Variants in TTLL7 observed in about 807,000 individuals in gnomAD.
TTLL7 encodes the protein tubulin polyglutamylase TTLL7.
Under a neutral mutation model 120.2 loss-of-function variants are expected in TTLL7, and 53 were observed. The observed-to-expected ratio is 0.44, with a 90% confidence interval of 0.35 to 0.55. TTLL7 has a LOEUF of 0.55. Ranked by LOEUF, TTLL7 falls within the 20% of genes least tolerant of loss-of-function variation. The pLI, the probability that TTLL7 is intolerant of heterozygous loss-of-function variation, is 0.00. For synonymous variants in TTLL7, 353 were observed against 351.7 expected, an observed-to-expected ratio of 1.00 and a Z score of -0.04; for missense variants, 803 against 1,054.7, an observed-to-expected ratio of 0.76 and a Z score of 3.31.
intron 14 of TTLL7, among the ~76,000 whole-genome samples, chr1:83,917,083 A>C (rs1658255291): frequency 6.7e-6 from 1 of 148,284 alleles, no homozygotes; most frequent in Non-Finnish European, 1.5e-5. Context: ...CCTGGATGAG[A>C]GTGAGACCCT....
At chr1:83,878,097 C>A (rs1044607695) in intron 20 of TTLL7, among the ~76,000 whole-genome samples, 2 of 151,454 alleles carry the variant, frequency 1.3e-5, no homozygotes, top group African/African-American at 2.4e-5. Flanking sequence ...TAAAAGTATA[C>A]TTTTTGACTA....
intron 18 of TTLL7, among the ~76,000 whole-genome samples, chr1:83,896,801 C>T (rs989191751): frequency 1.3e-5 from 2 of 152,092 alleles, no homozygotes; most frequent in Non-Finnish European, 2.9e-5. Flanking sequence ...ATCCTCCACT[C>T]TTAGTTTATG....
intron 1 of TTLL7, among the ~76,000 whole-genome samples, chr1:83,957,180 A>G (rs1258710562): frequency 2.0e-5 from 3 of 152,182 alleles, no homozygotes; most frequent in African/African-American, 4.8e-5. Context: ...ATGGCAACCA[A>G]TGAAGATAAC....
At chr1:83,924,515 C>T (rs1438405956) in intron 10 of TTLL7, among the ~76,000 whole-genome samples, 2 of 152,042 alleles carry the variant, frequency 1.3e-5, no homozygotes, top group Non-Finnish European at 2.9e-5. Context: ...GAGAGTAGGA[C>T]ACTCAAATTC....
At chr1:83,917,932 G>A (rs1470214370) in intron 13 of TTLL7, among the ~76,000 whole-genome samples, 1 of 152,022 alleles carries the variant, frequency 6.6e-6, no homozygotes, top group Non-Finnish European at 1.5e-5. Context: ...CTAAACAAAT[G>A]TATCTTTATA....
At chr1:83,906,572 T>A in intron 16 of TTLL7, 109 bp from the exon 17 acceptor site, 1 of 1,511,202 alleles carries the variant, frequency 6.6e-7, no homozygotes, top group African/African-American at 1.4e-5. Flanking sequence ...CTGAAAACAA[T>A]AACAATGAAA....
In TTLL7 at chr1:83,904,090, T is replaced by G; in HGVS notation, c.2197A>C (p.Lys733Gln). Residue 733 changes from lysine to glutamine, a missense_variant, in exon 18 of 21, where the codon AAA becomes CAA. By Grantham distance (53) the Lys-to-Gln change is moderately conservative (BLOSUM62 1). This residue lies in a region of TTLL7 where 388 missense variants were observed against 450.4 expected (regional missense o/e 0.86). Transcript: ENST00000260505. Reference sequence around the variant, plus strand: ...TGAGCATTACTCACTTTTCGTTGTTTTACAGAGTCCAATTTTATGAGCCAA... The same window carrying G: ...TGAGCATTACTCACTTTTCGTTGTTGTACAGAGTCCAATTTTATGAGCCAA... Reference protein sequence around the residue: ...SYWLIKLDSVKQRKVLDIVKT... With the variant: ...SYWLIKLDSVQQRKVLDIVKT... 1.2e-6 allele frequency: 2 copies of G among 1,611,902 alleles called. No individual in the cohort carries two copies. The highest frequency in any genetic ancestry group is 1.7e-6 in the Non-Finnish European group (2 of 1,178,826).
Position 83,911,169 on chromosome 1 carries a change from T to C in TTLL7, c.1782A>G (p.Gln594=), listed in dbSNP as rs17855097. 1.0e-5 allele frequency: 16 copies of C among 1,604,590 alleles called. No individual in the cohort carries two copies. Among genetic ancestry groups the C allele is most frequent in the Non-Finnish European group, 1.4e-5 (16 of 1,172,622 alleles). Reference sequence around the variant, plus strand: ...AATTAGAAGAAATTGACTTACTGGGTTGTTGAATTAATTTGTAGTGGTTGG... The same window carrying C: ...AATTAGAAGAAATTGACTTACTGGGCTGTTGAATTAATTTGTAGTGGTTGG... ...KPSNHYKLIQ[Q]PSSIRRSVSC... is the part of the protein sequence containing the mutation. Residue 594 remains glutamine, a synonymous_variant, in exon 15 of 21, where the codon CAA becomes CAG. Coordinates refer to ENST00000260505, the MANE Select transcript of TTLL7 (RefSeq NM_024686.6).
At chr1:83,988,999 C>A (rs549591176) in intron 1 of TTLL7, among the ~76,000 whole-genome samples, 35 of 152,276 alleles carry the variant, frequency 2.3e-4, no homozygotes, top group African/African-American at 8.2e-4. Flanking sequence ...TGAGCCACCA[C>A]GCCTGGCCTT....
Position 83,906,281 on chromosome 1 carries a change from A to C in TTLL7, c.2127+48T>G, listed in dbSNP as rs756240980. Reference sequence around the variant, plus strand: ...AATAAATTTTAATATTTTAAGAAGAATAAAAAGGTACCAGCTCCTTGGCAT... The same window carrying C: ...AATAAATTTTAATATTTTAAGAAGACTAAAAAGGTACCAGCTCCTTGGCAT... On this transcript the variant is annotated intron_variant, in intron 17 of 20. Coordinates refer to ENST00000260505, the MANE Select transcript of TTLL7 (RefSeq NM_024686.6). The C allele has an allele frequency of 2.7e-6, 4 of 1,473,620 alleles. No individual in the cohort carries two copies. In the Admixed American group the frequency reaches 8.1e-5, roughly 30 times the overall value. 91.3% of individuals were successfully genotyped at this position (1,473,620 alleles called of 1,614,324 possible). A position where few individuals can be genotyped will look rare whatever the true frequency, so the allele number is the denominator to read the frequency against.
At chr1:83,892,928 GAGAAAGAAAGAA>G (rs1553129435) in intron 18 of TTLL7, among the ~76,000 whole-genome samples, 1 of 102,668 alleles carries the variant, frequency 9.7e-6, no homozygotes, top group African/African-American at 5.7e-5. Flanking sequence ...GAAAGAAAAA[GAGAAAGAAAGAA>G]AGAAAGAAAG....
chr1:83,944,756 A>C (rs1409183002), intron 6 of TTLL7, among the ~76,000 whole-genome samples: 1 of 152,208 alleles, frequency 6.6e-6, no homozygotes, highest in Non-Finnish European at 1.5e-5. Flanking sequence ...TTCAGTTTTT[A>C]ACTCCTCATT....
chr1:83,940,815 C>A (rs1218187571), intron 7 of TTLL7, among the ~76,000 whole-genome samples: 1 of 152,150 alleles, frequency 6.6e-6, no homozygotes, highest in African/African-American at 2.4e-5. Context: ...TCATTCCCAT[C>A]CATCTCCACC....
chr1:83,941,923 T>C (rs930988619), intron 7 of TTLL7, among the ~76,000 whole-genome samples: 3 of 152,226 alleles, frequency 2.0e-5, no homozygotes, highest in African/African-American at 7.2e-5. Context: ...TCAATGTAAG[T>C]TGACAGCCTT....
rs187650073 is a variant in TTLL7 at position 83,906,937 on chromosome 1, A to G, written c.1993-474T>C. Reference sequence around the variant, plus strand: ...TGAGCATCTAAAAGTAAGCCTTCTTACAAACTAAATTCACTACTTTCTAAA... The same window carrying G: ...TGAGCATCTAAAAGTAAGCCTTCTTGCAAACTAAATTCACTACTTTCTAAA... On this transcript the variant is annotated intron_variant, in intron 16 of 20. Transcript: ENST00000260505. Among the ~76,000 whole-genome samples, 4 of 152,244 alleles carry G rather than the reference A, an allele frequency of 2.6e-5. No individual in the cohort carries two copies. In the East Asian group the frequency reaches 7.7e-4, roughly 29 times the overall value.
At position 83,949,398 on chromosome 1, in the gene TTLL7, C is replaced by T. The variant is rs368037778; in HGVS notation, c.279+467G>A. ...CTGTAGTGCAGTGGCCCAATCTCAG[C>T]TCACTGTAGCCTCCACCTCCCGGGT... On this transcript the variant is annotated intron_variant, in intron 4 of 20. Coordinates refer to ENST00000260505, the MANE Select transcript of TTLL7 (RefSeq NM_024686.6). The T allele has an allele frequency of 4.2e-4, 65 of 154,052 alleles. No individual in the cohort carries two copies. The South Asian group carries it at 0.012, about 29-fold the overall frequency. 9.5% of individuals were successfully genotyped at this position (154,052 alleles called of 1,614,324 possible). A position where few individuals can be genotyped will look rare whatever the true frequency, so the allele number is the denominator to read the frequency against.
rs1239826931 is a variant in TTLL7, at chr1:83,868,946, CT to C, written c.*1015del. ...CATTTTATTTATTTATTTTTATCTT[CT>C]TTTTATTTATTTATTTATTTTATTT... On this transcript the variant is annotated 3_prime_UTR_variant, in exon 21 of 21. Coordinates refer to ENST00000260505, the MANE Select transcript of TTLL7 (RefSeq NM_024686.6). 4 of 149,598 alleles carry C rather than the reference CT, an allele frequency of 2.7e-5. No homozygotes were observed. The highest frequency in any genetic ancestry group is 9.8e-5 in the African/African-American group (4 of 40,978). The allele number at this position is 149,598 out of a possible 1,614,324, so 9.3% of individuals were successfully genotyped here.
At chr1:83,913,913 A>ACATTGTGCCT (rs1553133808) in intron 14 of TTLL7, among the ~76,000 whole-genome samples, 2 of 152,210 alleles carry the variant, frequency 1.3e-5, no homozygotes, top group African/African-American at 4.8e-5. Flanking sequence ...TCTGCCAGAA[A>ACATTGTGCCT]CATTGTGCCT....
At chr1:83,981,465 T>C (rs188185711) in intron 1 of TTLL7, 4 of 148,994 alleles carry the variant, frequency 2.7e-5, no homozygotes, top group African/African-American at 9.9e-5. Context: ...CAATAATAAG[T>C]GTATATCCAC....
Sources: allele counts gnomAD v4.1 joint callset (sites outside exome capture counted in the v4.1 genomes callset), GRCh38; gene constraint gnomAD v4.1.1; regional missense constraint gnomAD v4.1.1; transcripts MANE v1.5; gene names NCBI Gene and HGNC (gene_info 2026-07-23, HGNC 2026-07-21).